The following MACROD2 variants were observed in gnomAD, a reference collection of about 807,000 sequenced individuals.
The protein encoded by MACROD2 is mono-ADP ribosylhydrolase 2.
In MACROD2, 36 loss-of-function variants were observed where a neutral mutation model predicts 70.4. That is an observed-to-expected ratio of 0.51 (90% CI 0.39 to 0.68). The LOEUF (loss-of-function observed/expected upper bound fraction) is 0.68, where lower values mean the gene tolerates loss of function less well. Ranked by LOEUF, MACROD2 falls within the 30% of genes least tolerant of loss-of-function variation. The probability of loss-of-function intolerance (pLI) is 0.00; values close to 1 mark genes in which losing one functional copy is unlikely to be tolerated. For synonymous variants in MACROD2, 172 were observed against 178.8 expected (o/e 0.96, Z 0.30); for missense variants, 496 against 538.4 (o/e 0.92, Z 0.78).
intron 13 of MACROD2, among the ~76,000 whole-genome samples, chr20:15,982,756 C>G (rs2066419844): frequency 6.6e-6 from 1 of 152,220 alleles, no homozygotes; most frequent in Non-Finnish European, 1.5e-5. Context: ...TCTAGTTAGT[C>G]TAGCATTCAT....
intron 8 of MACROD2, among the ~76,000 whole-genome samples, chr20:15,810,791 C>A (rs2063812580): frequency 6.6e-6 from 1 of 151,952 alleles, no homozygotes; most frequent in South Asian, 2.1e-4. Context: ...CGCATATCTA[C>A]AACTATCTGA....
intron 8 of MACROD2, among the ~76,000 whole-genome samples, chr20:15,663,740 A>G (rs1215483945): frequency 1.3e-5 from 2 of 152,142 alleles, no homozygotes; most frequent in Non-Finnish European, 2.9e-5. Context: ...TATCCATAGC[A>G]TGCTTGTAAA....
At chr20:14,749,722 G>C (rs1317153072) in intron 5 of MACROD2, among the ~76,000 whole-genome samples, 1 of 151,962 alleles carries the variant, frequency 6.6e-6, no homozygotes, top group Non-Finnish European at 1.5e-5. Context: ...TTTAGTAATA[G>C]AGTGTTTTAT....
chr20:15,062,780 C>G (rs534680593), intron 5 of MACROD2, among the ~76,000 whole-genome samples: 1 of 152,144 alleles, frequency 6.6e-6, no homozygotes, highest in Non-Finnish European at 1.5e-5. Context: ...GATGTCTGTA[C>G]GTGGCAATCC....
intron 4 of MACROD2, chr20:14,622,009 A>G (rs1189599224): frequency 6.6e-6 from 1 of 152,152 alleles, no homozygotes; most frequent in Admixed American, 6.6e-5. Flanking sequence ...CTGCTTACCT[A>G]ATAGGCTCTG....
chr20:14,498,605 A>T (rs1168710585), intron 4 of MACROD2, among the ~76,000 whole-genome samples: 2 of 152,228 alleles, frequency 1.3e-5, no homozygotes, highest in Non-Finnish European at 2.9e-5. Flanking sequence ...AGTTAAAATG[A>T]TGCTTTAACA....
chr20:14,379,705 A>C (rs556948552), intron 3 of MACROD2, among the ~76,000 whole-genome samples: 1 of 152,266 alleles, frequency 6.6e-6, no homozygotes, highest in South Asian at 2.1e-4. Flanking sequence ...GTAGGATCAT[A>C]CAATATTCAT....
Position 15,713,987 on chromosome 20 carries a change from G to GCACACACGCACACACA in MACROD2, c.646-148751_646-148750insGCACACACACACACAC, listed in dbSNP as rs1555868660. 7.4e-3 allele frequency among the ~76,000 whole-genome samples: 867 copies of GCACACACGCACACACA among 117,740 alleles called. 5 individuals are homozygous for GCACACACGCACACACA. The highest frequency in any genetic ancestry group is 0.019 in the African/African-American group (662 of 35,266). 77.2% of individuals were successfully genotyped at this position (117,740 alleles called of 152,430 possible). A position where few individuals can be genotyped will look rare whatever the true frequency, so the allele number is the denominator to read the frequency against. ...TGTTCTAGTAAACACACACACATAT[G>GCACACACGCACACACA]CACACACACACACACACACACACAC... On this transcript the variant is annotated intron_variant, in intron 8 of 17. Coordinates refer to ENST00000684519, the MANE Select transcript of MACROD2 (RefSeq NM_001351661.2).
At chr20:15,498,606 GAGA>G (rs2047327870) in intron 7 of MACROD2, among the ~76,000 whole-genome samples, 2 of 152,274 alleles carry the variant, frequency 1.3e-5, no homozygotes, top group African/African-American at 2.4e-5. Context: ...AAAAATTCAG[GAGA>G]AGAAGTCACA....
chr20:15,434,354 T>C (rs1476394511), intron 7 of MACROD2, among the ~76,000 whole-genome samples: 2 of 147,406 alleles, frequency 1.4e-5, no homozygotes, highest in Non-Finnish European at 3.0e-5. Flanking sequence ...CCATAAAAAA[T>C]GGGCAAAGGA....
intron 4 of MACROD2, among the ~76,000 whole-genome samples, chr20:14,601,810 C>T (rs1982516526): frequency 6.6e-6 from 1 of 151,914 alleles, no homozygotes; most frequent in South Asian, 2.1e-4. Flanking sequence ...GATTCATTAG[C>T]CAACTAATTT....
intron 8 of MACROD2, among the ~76,000 whole-genome samples, chr20:15,841,697 G>T (rs572302202): frequency 6.6e-6 from 1 of 152,218 alleles, no homozygotes; most frequent in African/African-American, 2.4e-5. Context: ...ACAATGCAAT[G>T]TAAGATGTAG....
At chr20:15,523,929 T>C (rs1352349191) in intron 8 of MACROD2, among the ~76,000 whole-genome samples, 3 of 152,082 alleles carry the variant, frequency 2.0e-5, no homozygotes, top group African/African-American at 7.2e-5. Context: ...AGCCTCGTGA[T>C]CTAGGTGTTC....
intron 3 of MACROD2, among the ~76,000 whole-genome samples, chr20:14,299,176 G>A (rs1163649179): frequency 6.6e-6 from 1 of 152,126 alleles, no homozygotes; most frequent in Non-Finnish European, 1.5e-5. Flanking sequence ...CAATTTCATT[G>A]TTGTCTTATT....
chr20:15,424,068 C>G (rs760806159), intron 6 of MACROD2, among the ~76,000 whole-genome samples: 1 of 151,484 alleles, frequency 6.6e-6, no homozygotes, highest in Non-Finnish European at 1.5e-5. Context: ...ACTAATCCCA[C>G]TCATGAGGCC....
intron 5 of MACROD2, among the ~76,000 whole-genome samples, chr20:14,875,240 G>T (rs1485374533): frequency 1.3e-5 from 2 of 151,850 alleles, no homozygotes; most frequent in Admixed American, 6.6e-5. Flanking sequence ...AATTAGCCAG[G>T]CGTGGTGGCA....
At chr20:14,622,241 C>T (rs936039826) in intron 4 of MACROD2, among the ~76,000 whole-genome samples, 1 of 151,932 alleles carries the variant, frequency 6.6e-6, no homozygotes, top group African/African-American at 2.4e-5. Context: ...TATCCCATGA[C>T]ATGAAGAGAA....
At chr20:15,189,338 G>A (rs2076554709) in intron 5 of MACROD2, among the ~76,000 whole-genome samples, 1 of 151,838 alleles carries the variant, frequency 6.6e-6, no homozygotes, top group African/African-American at 2.4e-5. Flanking sequence ...ATGTATGTGT[G>A]TAAATATATG....
At chr20:14,052,699 A>AT (rs897468752) in intron 2 of MACROD2, among the ~76,000 whole-genome samples, 248 of 147,850 alleles carry the variant, frequency 1.7e-3, no homozygotes, top group African/African-American at 3.8e-3. Context: ...TTGCAAACAG[A>AT]TTTTTTTTTT....
Sources: gnomAD v4.1 joint callset for allele counts (sites outside exome capture counted in the v4.1 genomes callset) on GRCh38, gnomAD v4.1.1 for gene constraint, MANE v1.5 for transcripts, NCBI Gene and HGNC (gene_info 2026-07-23, HGNC 2026-07-21) for gene names.